The following MGAT4C variants were observed in gnomAD, a reference collection of about 807,000 sequenced individuals.
The protein encoded by MGAT4C is MGAT4 family member C, also known as alpha-1,3-mannosyl-glycoprotein 4-beta-N-acetylglucosaminyltransferase C.
Under a neutral mutation model 40.1 loss-of-function variants are expected in MGAT4C, and 19 were observed. That is an observed-to-expected ratio of 0.47 (90% CI 0.33 to 0.70). MGAT4C has a LOEUF of 0.70. MGAT4C is among the 30% of genes least tolerant of loss of function. MGAT4C has a pLI of 0.02. For synonymous variants in MGAT4C, 181 were observed against 187.1 expected (o/e 0.97, Z 0.27); for missense variants, 491 against 563.2 (o/e 0.87, Z 1.30).
chr12:86,107,597 C>T (rs1012325752), intron 1 of MGAT4C, among the ~76,000 whole-genome samples: 5 of 152,064 alleles, frequency 3.3e-5, no homozygotes, highest in Admixed American at 1.3e-4. Context: ...CTAGTCCCTC[C>T]GTTAATTAGA....
chr12:86,833,829 C>A (rs528543241), intron 1 of MGAT4C, among the ~76,000 whole-genome samples: 17 of 151,854 alleles, frequency 1.1e-4, no homozygotes, highest in African/African-American at 3.6e-4. Flanking sequence ...GAAGGGTACA[C>A]CTGACAAGGG....
upstream of MGAT4C, among the ~76,000 whole-genome samples, chr12:86,257,518 C>T (rs1952556557): frequency 6.6e-6 from 1 of 152,214 alleles, no homozygotes; most frequent in African/African-American, 2.4e-5. Context: ...TCACTTCAAC[C>T]ACCCCAACTT....
rs953023020 is a variant in MGAT4C, at chr12:86,437,846, A to C, written c.-228-2581T>G. ...CACCACAACCATGTAAGACAGTGAAATGTTGTGCATGTTCAGACTACCGCA... is the reference window on the plus strand; with the variant it reads ...CACCACAACCATGTAAGACAGTGAACTGTTGTGCATGTTCAGACTACCGCA... On this transcript the variant is annotated intron_variant, in intron 2 of 7. Coordinates refer to the MGAT4C transcript ENST00000548651. 6.6e-5 allele frequency among the ~76,000 whole-genome samples: 10 copies of C among 152,014 alleles called. No individual in the cohort carries two copies. The South Asian group carries it at 1.7e-3, about 25-fold the overall frequency.
intron 2 of MGAT4C, among the ~76,000 whole-genome samples, chr12:86,675,475 C>G (rs1326570567): frequency 1.3e-5 from 2 of 152,126 alleles, no homozygotes; most frequent in African/African-American, 2.4e-5. Context: ...CATTTAGGGT[C>G]AGGGAACCAG....
rs570942073 is a variant in MGAT4C, at chr12:86,220,125, C to T, written c.-57+36114G>A. ...TTCACATTGTCTTAACTGAAGAGAA[C>T]CTTAACTCCAGAACCTTGGGACTGT... On this transcript the variant is annotated intron_variant, in intron 1 of 4. Coordinates refer to ENST00000611864, the MANE Select transcript of MGAT4C (RefSeq NM_001351288.2). Among the ~76,000 whole-genome samples the T allele has an allele frequency of 3.4e-4, 52 of 152,010 alleles. 1 individual carries two copies. The highest frequency in any genetic ancestry group is 7.2e-4 in the Non-Finnish European group (49 of 67,996).
At chr12:85,996,619 T>C (rs1886650835) in intron 2 of MGAT4C, among the ~76,000 whole-genome samples, 1 of 152,106 alleles carries the variant, frequency 6.6e-6, no homozygotes, top group African/African-American at 2.4e-5. Flanking sequence ...TAAACATTAA[T>C]CAAAGGAAAG....
Position 86,813,909 on chromosome 12 carries a change from CT to C in MGAT4C, c.-262+24756del, listed in dbSNP as rs200248138. ...TTGATATAAATATTCCTTTTTCTTTCTTTTTTTTGGGGGGGATGGGGAACAG... is the reference window on the plus strand; with the variant it reads ...TTGATATAAATATTCCTTTTTCTTTCTTTTTTTGGGGGGGATGGGGAACAG... On this transcript the variant is annotated intron_variant, in intron 1 of 7. Coordinates refer to the MGAT4C transcript ENST00000548651. Among the ~76,000 whole-genome samples, 13 of 151,136 alleles carry C rather than the reference CT, an allele frequency of 8.6e-5. No homozygotes were observed. The East Asian group carries it at 1.4e-3, about 16-fold the overall frequency.
chr12:86,538,748 C>T (rs543601683), intron 2 of MGAT4C, among the ~76,000 whole-genome samples: 210 of 151,796 alleles, frequency 1.4e-3, no homozygotes, highest in Admixed American at 3.4e-3. Flanking sequence ...GCTGGGACTA[C>T]AGGCGCCCGC....
At chr12:86,121,209 A>G (rs1879320194) in intron 1 of MGAT4C, among the ~76,000 whole-genome samples, 1 of 152,230 alleles carries the variant, frequency 6.6e-6, no homozygotes, top group African/African-American at 2.4e-5. Context: ...AAGAGTAAAA[A>G]GAAATGAACA....
intron 2 of MGAT4C, among the ~76,000 whole-genome samples, chr12:86,650,045 T>G (rs1963653049): frequency 6.6e-6 from 1 of 151,946 alleles, no homozygotes; most frequent in Non-Finnish European, 1.5e-5. Flanking sequence ...CAATTCTTAA[T>G]TAAGTCATGC....
At position 86,464,311 on chromosome 12, in the gene MGAT4C, A is replaced by C. The variant is rs1051211782; in HGVS notation, c.-228-29046T>G. Among the ~76,000 whole-genome samples, 4 of 152,174 alleles carry C rather than the reference A, an allele frequency of 2.6e-5. No individual in the cohort carries two copies. In the South Asian group the frequency reaches 6.2e-4, roughly 24 times the overall value. ...GTTAGAGGCAAACTGTTTACTTAAA[A>C]CATTAAAGAATCATTTTGCAGTATT... On this transcript the variant is annotated intron_variant, in intron 2 of 7. Coordinates refer to the MGAT4C transcript ENST00000548651.
Position 86,354,388 on chromosome 12 carries a change from T to C in MGAT4C, c.-119-20261A>G, listed in dbSNP as rs115602551. On this transcript the variant is annotated intron_variant, in intron 3 of 7. Transcript: ENST00000548651. ...AGAACTAGGCATAGCTCAACTACTC[T>C]CAAAGAGAAAGCCAATTAAGAAACA... Among the ~76,000 whole-genome samples the C allele has an allele frequency of 2.3e-3, 351 of 152,228 alleles. 1 individual carries two copies. The highest frequency in any genetic ancestry group is 7.8e-3 in the African/African-American group (325 of 41,544).
chr12:86,267,224 G>T (rs1412081569), intron 4 of MGAT4C, among the ~76,000 whole-genome samples: 2 of 151,936 alleles, frequency 1.3e-5, no homozygotes, highest in Non-Finnish European at 2.9e-5. Context: ...TTTTAATGCA[G>T]ATATTGAAGC....
At chr12:86,786,335 G>GA (rs1951930960) in intron 1 of MGAT4C, among the ~76,000 whole-genome samples, 1 of 152,032 alleles carries the variant, frequency 6.6e-6, no homozygotes, top group African/African-American at 2.4e-5. Context: ...ACAAATGGTT[G>GA]AATCTGTAGG....
chr12:86,524,746 C>T (rs1431835312), intron 2 of MGAT4C, among the ~76,000 whole-genome samples: 2 of 152,118 alleles, frequency 1.3e-5, no homozygotes, highest in Non-Finnish European at 1.5e-5. Flanking sequence ...TCCACATTTC[C>T]CAGAAGTTTC....
chr12:86,192,876 C>T (rs839165), intron 1 of MGAT4C, among the ~76,000 whole-genome samples: 100,389 of 151,986 alleles, frequency 0.66, 33,593 homozygotes, highest in South Asian at 0.75. Flanking sequence ...TATGTTCAAA[C>T]TTAGCATTCT....
intron 1 of MGAT4C, among the ~76,000 whole-genome samples, chr12:86,185,536 G>C (rs1031967905): frequency 2.6e-5 from 4 of 151,978 alleles, no homozygotes; most frequent in African/African-American, 9.7e-5. Context: ...AACAAACAAT[G>C]ATAACAAACA....
intron 1 of MGAT4C, among the ~76,000 whole-genome samples, chr12:86,092,522 T>A (rs565572857): frequency 1.3e-5 from 2 of 152,114 alleles, no homozygotes; most frequent in Non-Finnish European, 1.5e-5. Flanking sequence ...AAATATTATA[T>A]TATTAACATT....
At chr12:86,154,960 G>A (rs1245885001) in intron 1 of MGAT4C, among the ~76,000 whole-genome samples, 1 of 152,128 alleles carries the variant, frequency 6.6e-6, no homozygotes, top group Non-Finnish European at 1.5e-5. Flanking sequence ...CTATAAATGT[G>A]TGTGTTCTGA....
Sources: gnomAD v4.1 joint callset for allele counts (sites outside exome capture counted in the v4.1 genomes callset) on GRCh38, gnomAD v4.1.1 for gene constraint, MANE v1.5 for transcripts, NCBI Gene and HGNC (gene_info 2026-07-23, HGNC 2026-07-21) for gene names.